Variants in STRBP observed in about 807,000 individuals in gnomAD.
The protein encoded by STRBP is spermatid perinuclear RNA-binding protein.
In STRBP, 13 loss-of-function variants were observed where a neutral mutation model predicts 80.1. The ratio of observed to expected loss-of-function variants is 0.16; its 90% CI spans 0.11 to 0.26. The LOEUF is 0.26. Among genes scored for constraint, STRBP ranks in the 10% least tolerant of loss-of-function variants. The pLI is 1.00. For missense variants in STRBP, 485 were observed against 815.2 expected (o/e 0.59, Z 4.93); for synonymous variants, 284 against 291.2 (o/e 0.98, Z 0.25).
At chr9:123,120,918 A>G (rs1282717975), downstream of STRBP, among the ~76,000 whole-genome samples, 1 of 152,226 alleles carries the variant, frequency 6.6e-6, no homozygotes, top group Non-Finnish European at 1.5e-5. Flanking sequence ...TAAACTAATA[A>G]CTGAGCTAAT....
downstream of STRBP, among the ~76,000 whole-genome samples, chr9:123,120,014 T>G (rs1045372783): frequency 5.9e-5 from 9 of 152,254 alleles, no homozygotes; most frequent in African/African-American, 2.2e-4. Flanking sequence ...AGGATATCTA[T>G]TCTTACAACC....
intron 3 of STRBP, among the ~76,000 whole-genome samples, chr9:123,183,024 A>AC (rs2038548784): frequency 2.0e-5 from 1 of 49,444 alleles, no homozygotes; most frequent in South Asian, 8.8e-4. Flanking sequence ...CAAAAAAAAA[A>AC]AAAAAAAAAA....
intron 5 of STRBP, among the ~76,000 whole-genome samples, chr9:123,170,830 C>T (rs951901967): frequency 5.3e-5 from 8 of 152,176 alleles, no homozygotes; most frequent in South Asian, 2.1e-4. Flanking sequence ...ATAAGTTACA[C>T]GGGGCTTTTT....
Position 123,122,342 on chromosome 9 carries a change from G to A in STRBP, c.*3255C>T, listed in dbSNP as rs1292192126. The A allele has an allele frequency of 7.8e-7, 1 of 1,287,900 alleles. No homozygotes were observed. The highest frequency in any genetic ancestry group is 2.3e-5 in the Admixed American group (1 of 43,442). The allele number at this position is 1,287,900 out of a possible 1,614,324, so 79.8% of individuals were successfully genotyped here. A position where few individuals can be genotyped will look rare whatever the true frequency, so the allele number is the denominator to read the frequency against. On this transcript the variant is annotated 3_prime_UTR_variant, in exon 19 of 19. Transcript: ENST00000348403. ...AAGTATTAACCTGAAATACACAGAG[G>A]GTCCAACACCAGTTTTAAAAATACA...
chr9:123,124,944 T>G lies in STRBP; in HGVS notation c.*653A>C, dbSNP rs1418943915. On this transcript the variant is annotated 3_prime_UTR_variant, in exon 19 of 19. Transcript: ENST00000348403. Reference sequence around the variant, plus strand: ...CCTTTGCTTTGTTTTAGCACTTTGCTTACAAGTGAATGGGCTTCTAGGGCT... The same window carrying G: ...CCTTTGCTTTGTTTTAGCACTTTGCGTACAAGTGAATGGGCTTCTAGGGCT... 3 of 985,688 alleles carry G rather than the reference T, an allele frequency of 3.0e-6. No individual in the cohort carries two copies. The highest frequency in any genetic ancestry group is 3.6e-6 in the Non-Finnish European group (3 of 829,944). The allele number at this position is 985,688 out of a possible 1,614,324, so 61.1% of individuals were successfully genotyped here.
intron 2 of STRBP, among the ~76,000 whole-genome samples, chr9:123,202,074 T>C (rs1044401040): frequency 3.9e-5 from 6 of 152,248 alleles, no homozygotes; most frequent in African/African-American, 1.2e-4. Flanking sequence ...TTTCCATTTA[T>C]GTAGAATACC....
chr9:123,147,035 T>C lies in STRBP; in HGVS notation c.1158A>G (p.Ile386Met). 6.2e-7 allele frequency: 1 copy of C among 1,613,916 alleles called. No homozygotes were observed. Among genetic ancestry groups the C allele is most frequent in the Non-Finnish European group, 8.5e-7 (1 of 1,179,832 alleles). Residue 386 changes from isoleucine to methionine, a missense_variant, in exon 13 of 19, where the codon ATA becomes ATG. This residue lies in a region of STRBP where 377 missense variants were observed against 616.1 expected (regional missense o/e 0.61). Transcript: ENST00000348403. Reference protein sequence around the residue: ...NLRKILDSKAIDLMNALMRLN... With the variant: ...NLRKILDSKAMDLMNALMRLN... The stretch of plus-strand genomic sequence containing the variant: ...GCCTCATTAGTGCATTCATAAGGTC[T>C]ATTGCTTTACTATCCAGAACTGTTA...
chr9:123,129,892 A>C (rs2036062392), intron 17 of STRBP, among the ~76,000 whole-genome samples: 1 of 152,216 alleles, frequency 6.6e-6, no homozygotes, highest in Non-Finnish European at 1.5e-5. Flanking sequence ...TCACTAAATC[A>C]TATTCAAGAG....
intron 13 of STRBP, among the ~76,000 whole-genome samples, chr9:123,140,873 G>A (rs1447381770): frequency 6.6e-6 from 1 of 152,186 alleles, no homozygotes; most frequent in African/African-American, 2.4e-5. Context: ...CCACACACGT[G>A]CCTTTTAATA....
At chr9:123,216,489 A>C (rs1301964907) in intron 2 of STRBP, among the ~76,000 whole-genome samples, 2 of 152,228 alleles carry the variant, frequency 1.3e-5, no homozygotes, top group Non-Finnish European at 2.9e-5. Flanking sequence ...CATAATTTAC[A>C]ACAGACAGTC....
intron 17 of STRBP, 60 bp downstream of exon 17, chr9:123,132,785 T>C: frequency 6.2e-7 from 1 of 1,600,746 alleles, no homozygotes; most frequent in Non-Finnish European, 8.5e-7. Flanking sequence ...ATGCAGGAGA[T>C]GCTATTCTTT....
At position 123,157,985 on chromosome 9, in the gene STRBP, A is replaced by T. The variant is rs759597419; in HGVS notation, c.1045+27T>A. 36 of 1,541,092 alleles carry T rather than the reference A, an allele frequency of 2.3e-5. No homozygotes were observed. The South Asian group carries it at 3.4e-4, about 14-fold the overall frequency. Reference sequence around the variant, plus strand: ...TTATCTCTACCAGTGCCAACCCCCAACCCTAATAAAAAACTTCCATGCTCA... The same window carrying T: ...TTATCTCTACCAGTGCCAACCCCCATCCCTAATAAAAAACTTCCATGCTCA... On this transcript the variant is annotated intron_variant, in intron 11 of 18. Coordinates refer to ENST00000348403, the MANE Select transcript of STRBP (RefSeq NM_018387.5).
At chr9:123,119,779 G>A (rs954433731), downstream of STRBP, among the ~76,000 whole-genome samples, 5 of 152,152 alleles carry the variant, frequency 3.3e-5, no homozygotes, top group African/African-American at 9.7e-5. Flanking sequence ...AACATATTAT[G>A]TGTATTAACT....
At chr9:123,166,221 T>C (rs1045473061) in intron 6 of STRBP, among the ~76,000 whole-genome samples, 5 of 152,240 alleles carry the variant, frequency 3.3e-5, no homozygotes, top group Non-Finnish European at 7.3e-5. Flanking sequence ...AGAGTTTAAC[T>C]GTGCTTGGGT....
At chr9:123,138,099 C>T (rs1050739268) in intron 14 of STRBP, among the ~76,000 whole-genome samples, 6 of 152,056 alleles carry the variant, frequency 3.9e-5, no homozygotes, top group African/African-American at 1.2e-4. Flanking sequence ...TTGTTTTCTC[C>T]TTCCTTCCCA....
At chr9:123,245,485 G>A (rs1367154092) in intron 1 of STRBP, among the ~76,000 whole-genome samples, 1 of 152,180 alleles carries the variant, frequency 6.6e-6, no homozygotes, top group Non-Finnish European at 1.5e-5. Flanking sequence ...CGCCTCCCCG[G>A]TTCACACCAT....
At chr9:123,134,251 T>TG (rs2036261898) in intron 16 of STRBP, among the ~76,000 whole-genome samples, 1 of 152,210 alleles carries the variant, frequency 6.6e-6, no homozygotes, top group African/African-American at 2.4e-5. Flanking sequence ...AAGAAAGTGG[T>TG]GCAAAGCCTC....
chr9:123,129,649 T>C (rs574993329), intron 17 of STRBP, among the ~76,000 whole-genome samples: 2 of 152,342 alleles, frequency 1.3e-5, no homozygotes, highest in African/African-American at 2.4e-5. Flanking sequence ...ATGTTATACT[T>C]GCATCATATT....
At position 123,198,001 on chromosome 9, in the gene STRBP, CAGG is replaced by C. The variant is rs888854565; in HGVS notation, c.-164-13706_-164-13704del. Among the ~76,000 whole-genome samples the C allele has an allele frequency of 1.3e-4, 20 of 151,998 alleles. No homozygotes were observed. The Middle Eastern group carries it at 0.01, about 80-fold the overall frequency. ...GTCTTTTTAATAATGACCATTCTTTCAGGAGTAGGGTGGTATCTCACTGTGGTT... is the reference window on the plus strand; with the variant it reads ...GTCTTTTTAATAATGACCATTCTTTCAGTAGGGTGGTATCTCACTGTGGTT... On this transcript the variant is annotated intron_variant, in intron 2 of 18. Transcript: ENST00000348403.
Sources: allele counts gnomAD v4.1 joint callset (sites outside exome capture counted in the v4.1 genomes callset), GRCh38; gene constraint gnomAD v4.1.1; regional missense constraint gnomAD v4.1.1; transcripts MANE v1.5; gene names NCBI Gene and HGNC (gene_info 2026-07-23, HGNC 2026-07-21).